The following INPP5B variants were observed in gnomAD, a reference collection of about 807,000 sequenced individuals.
INPP5B encodes the protein type II inositol 1,4,5-trisphosphate 5-phosphatase.
INPP5B carries 90 observed loss-of-function variants against 118.5 expected under a neutral mutation model. The observed-to-expected ratio is 0.76, with a 90% CI of 0.64 to 0.90. The LOEUF (loss-of-function observed/expected upper bound fraction) is 0.90. Among genes scored for constraint, INPP5B ranks in the 40% least tolerant of loss-of-function variants. The pLI is 0.00. For missense variants in INPP5B, 984 were observed against 1,125.6 expected, an observed-to-expected ratio of 0.87 and a Z score of 1.80; for synonymous variants, 385 against 418.9, an observed-to-expected ratio of 0.92 and a Z score of 0.99.
chr1:37,895,579 A>T (rs939685054), intron 7 of INPP5B, among the ~76,000 whole-genome samples: 6 of 148,770 alleles, frequency 4.0e-5, no homozygotes, highest in Non-Finnish European at 7.4e-5. Context: ...GCTGGACGGT[A>T]CTGCTGCCAT....
chr1:37,875,547 C>A lies in INPP5B; in HGVS notation c.1788+59G>T. 5 of 1,315,764 alleles carry A rather than the reference C, an allele frequency of 3.8e-6. 1 individual carries two copies. The Middle Eastern group carries it at 5.5e-4, about 146-fold the overall frequency. The allele number at this position is 1,315,764 out of a possible 1,614,324, so 81.5% of individuals were successfully genotyped here. A position where few individuals can be genotyped will look rare whatever the true frequency, so the allele number is the denominator to read the frequency against. On this transcript the variant is annotated intron_variant, in intron 17 of 23. Coordinates refer to ENST00000373024, the MANE Select transcript of INPP5B (RefSeq NM_005540.3). ...CCTCCCAAAGTGCTGGGATTACAGGCGTGAGCCACTGCACCCGGCCTGAGC... is the reference window on the plus strand; with the variant it reads ...CCTCCCAAAGTGCTGGGATTACAGGAGTGAGCCACTGCACCCGGCCTGAGC...
intron 7 of INPP5B, among the ~76,000 whole-genome samples, chr1:37,919,424 G>A (rs973387537): frequency 2.6e-5 from 4 of 152,138 alleles, no homozygotes; most frequent in African/African-American, 7.2e-5. Flanking sequence ...CAAACTGACC[G>A]GATTAAGTGA....
At chr1:37,896,980 G>GT (rs1644128029) in intron 7 of INPP5B, among the ~76,000 whole-genome samples, 1 of 121,302 alleles carries the variant, frequency 8.2e-6, no homozygotes, top group African/African-American at 2.7e-5. Context: ...CGGGAGGGAG[G>GT]TGGGGGGGTC....
intron 7 of INPP5B, among the ~76,000 whole-genome samples, chr1:37,897,000 C>T (rs1400008139): frequency 1.4e-5 from 2 of 138,754 alleles, no homozygotes; most frequent in South Asian, 2.4e-4. Flanking sequence ...CAGCCCCCCG[C>T]CCGGCCAGCC....
intron 7 of INPP5B, among the ~76,000 whole-genome samples, chr1:37,923,321 A>T (rs1645118665): frequency 6.6e-6 from 1 of 152,220 alleles, no homozygotes; most frequent in Non-Finnish European, 1.5e-5. Flanking sequence ...AATAATAAGC[A>T]GTCAAGTTTG....
chr1:37,923,527 TA>T (rs944160504), intron 7 of INPP5B, among the ~76,000 whole-genome samples: 3 of 151,948 alleles, frequency 2.0e-5, no homozygotes, highest in African/African-American at 7.3e-5. Flanking sequence ...AGGAGATCCC[TA>T]AAGGAGAGGG....
At chr1:37,918,581 G>T (rs1024184535) in intron 7 of INPP5B, among the ~76,000 whole-genome samples, 1 of 152,068 alleles carries the variant, frequency 6.6e-6, no homozygotes, top group African/African-American at 2.4e-5. Context: ...AATGTGTCTG[G>T]CACTTTAAGA....
At chr1:37,914,174 T>C (rs1644793345) in intron 7 of INPP5B, among the ~76,000 whole-genome samples, 1 of 152,220 alleles carries the variant, frequency 6.6e-6, no homozygotes, top group Admixed American at 6.5e-5. Context: ...GCACGTGACA[T>C]AATCCACCCC....
At chr1:37,941,924 C>A (rs1189074418) in intron 5 of INPP5B, among the ~76,000 whole-genome samples, 1 of 44,510 alleles carries the variant, frequency 2.2e-5, no homozygotes, top group African/African-American at 9.1e-5. Flanking sequence ...GGCGACAGAG[C>A]GAGACTCCGT....
At chr1:37,906,591 C>T (rs934488265) in intron 7 of INPP5B, among the ~76,000 whole-genome samples, 3 of 152,020 alleles carry the variant, frequency 2.0e-5, no homozygotes, top group Non-Finnish European at 4.4e-5. Flanking sequence ...CATGGTGGCT[C>T]ACACCTGGAA....
intron 7 of INPP5B, among the ~76,000 whole-genome samples, chr1:37,899,651 G>A (rs1015918587): frequency 6.6e-6 from 1 of 151,478 alleles, no homozygotes; most frequent in Non-Finnish European, 1.5e-5. Flanking sequence ...GGCCAAATAA[G>A]TATTTAAGTC....
chr1:37,921,839 G>A (rs912550082), intron 7 of INPP5B, among the ~76,000 whole-genome samples: 2 of 151,998 alleles, frequency 1.3e-5, no homozygotes, highest in African/African-American at 2.4e-5. Context: ...GCAAAACTCC[G>A]TCTCTACTAA....
intron 12 of INPP5B, 120 bp from the exon 13 acceptor site, chr1:37,885,945 C>G: frequency 1.2e-6 from 1 of 807,696 alleles, no homozygotes; most frequent in East Asian, 2.6e-5. Flanking sequence ...TTTGGGAGTC[C>G]GAGGCGGGTG....
At chr1:37,941,958 A>AAAAAAAAAAAAAAATATATATATATAT (rs1427344681) in intron 5 of INPP5B, 4 of 30,358 alleles carry the variant, frequency 1.3e-4, no homozygotes, top group Non-Finnish European at 2.6e-4. Context: ...AAAAAAAAAA[A>AAAAAAAAAAAAAAATATATATATATAT]ATATATATAT....
chr1:37,915,442 T>C (rs1364164950), intron 7 of INPP5B, among the ~76,000 whole-genome samples: 1 of 152,228 alleles, frequency 6.6e-6, no homozygotes, highest in Non-Finnish European at 1.5e-5. Context: ...TTCAAGCAAG[T>C]CTTACTGCCA....
At chr1:37,912,516 T>C (rs1222304726) in intron 7 of INPP5B, among the ~76,000 whole-genome samples, 1 of 152,208 alleles carries the variant, frequency 6.6e-6, no homozygotes, top group Non-Finnish European at 1.5e-5. Context: ...ACTTGTTCTG[T>C]GCCCCAAAAA....
rs1642591154 is a variant in INPP5B, at chr1:37,873,388, T to C, written c.1952-223A>G. On this transcript the variant is annotated intron_variant, in intron 18 of 23. Coordinates refer to ENST00000373024, the MANE Select transcript of INPP5B (RefSeq NM_005540.3). ...AAAACAACAAACAAAAACATTTGAA[T>C]AGACAAATGCTATAAAATTCAAGCA... 9.1e-6 allele frequency: 5 copies of C among 551,408 alleles called. No homozygotes were observed. In the East Asian group the frequency reaches 1.5e-4, roughly 17 times the overall value. 34.2% of individuals were successfully genotyped at this position (551,408 alleles called of 1,614,324 possible). A position where few individuals can be genotyped will look rare whatever the true frequency, so the allele number is the denominator to read the frequency against.
chr1:37,924,315 T>A (rs750952950), intron 7 of INPP5B, among the ~76,000 whole-genome samples: 9 of 151,508 alleles, frequency 5.9e-5, no homozygotes, highest in Admixed American at 5.9e-4. Flanking sequence ...ACTACAGGCA[T>A]GTGCCACCCT....
chr1:37,866,891 A>G (rs1642081714), intron 20 of INPP5B, among the ~76,000 whole-genome samples: 1 of 152,252 alleles, frequency 6.6e-6, no homozygotes, highest in Non-Finnish European at 1.5e-5. Flanking sequence ...ACAGTGCATA[A>G]GAGCATAAGA....
Sources: allele counts gnomAD v4.1 joint callset (sites outside exome capture counted in the v4.1 genomes callset), GRCh38; gene constraint gnomAD v4.1.1; transcripts MANE v1.5; gene names NCBI Gene and HGNC (gene_info 2026-07-23, HGNC 2026-07-21).